CFAP54: variants seen among roughly 807,000 people sequenced by gnomAD.
CFAP54 encodes cilia- and flagella-associated protein 54.
Under a neutral mutation model 370.4 loss-of-function variants are expected in CFAP54, and 290 were observed. The observed-to-expected ratio is 0.78, with a 90% CI of 0.71 to 0.86. CFAP54 has a LOEUF of 0.86. Among genes scored for constraint, CFAP54 ranks in the 40% least tolerant of loss-of-function variants. CFAP54 has a pLI of 0.00. For missense variants in CFAP54, 3,399 were observed against 3,528.7 expected (o/e 0.96, Z 0.93); for synonymous variants, 1,206 against 1,236.5 (o/e 0.98, Z 0.52).
At chr12:96,499,707 T>G (rs1381219742) in intron 1 of CFAP54, among the ~76,000 whole-genome samples, 1 of 152,098 alleles carries the variant, frequency 6.6e-6, no homozygotes, top group Non-Finnish European at 1.5e-5. Flanking sequence ...GCACTTTGGG[T>G]GGCCTAGGCG....
At chr12:96,759,842 A>G (rs1010495283) in intron 58 of CFAP54, among the ~76,000 whole-genome samples, 1 of 152,232 alleles carries the variant, frequency 6.6e-6, no homozygotes, top group African/African-American at 2.4e-5. Flanking sequence ...GCTTGTATGT[A>G]ATAAGTACTT....
intron 39 of CFAP54, among the ~76,000 whole-genome samples, chr12:96,677,355 A>G (rs1312756962): frequency 6.6e-6 from 1 of 152,182 alleles, no homozygotes; most frequent in Admixed American, 6.5e-5. Context: ...GTCTATGGTA[A>G]TTTCTCATAG....
At chr12:96,503,495 G>C (rs11108553) in intron 2 of CFAP54, among the ~76,000 whole-genome samples, 17,025 of 139,780 alleles carry the variant, frequency 0.12, 1,549 homozygotes, top group East Asian at 0.47. Context: ...TTTCTTTTTC[G>C]AGCCTATGAG....
intron 50 of CFAP54, among the ~76,000 whole-genome samples, chr12:96,731,426 CATTTTCA>C (rs1957917561): frequency 6.6e-6 from 1 of 152,138 alleles, no homozygotes; most frequent in South Asian, 2.1e-4. Context: ...CATGGAATAC[CATTTTCA>C]TTTGAAAAAC....
intron 60 of CFAP54, among the ~76,000 whole-genome samples, chr12:96,774,211 G>A (rs889376649): frequency 1.3e-5 from 2 of 152,024 alleles, no homozygotes; most frequent in Admixed American, 6.6e-5. Flanking sequence ...CAACATTTTA[G>A]TTGTGATATT....
intron 65 of CFAP54, among the ~76,000 whole-genome samples, chr12:96,819,472 G>GT (rs1200242297): frequency 6.6e-6 from 1 of 152,124 alleles, no homozygotes; most frequent in Non-Finnish European, 1.5e-5. Flanking sequence ...AGAAATTATT[G>GT]TTTTTTCTGG....
chr12:96,664,755 C>A (rs12313690), intron 39 of CFAP54, among the ~76,000 whole-genome samples: 15 of 78,734 alleles, frequency 1.9e-4, no homozygotes, highest in African/African-American at 3.2e-4. Context: ...ATATATATAT[C>A]TATATATATC....
chr12:96,492,733 C>A (rs1397891313), intron 1 of CFAP54, among the ~76,000 whole-genome samples: 4 of 152,218 alleles, frequency 2.6e-5, no homozygotes, highest in Admixed American at 2.0e-4. Flanking sequence ...TGGCTTACGC[C>A]TGTAATCCCA....
intron 36 of CFAP54, among the ~76,000 whole-genome samples, chr12:96,657,456 C>A (rs999850766): frequency 6.6e-6 from 1 of 152,212 alleles, no homozygotes; most frequent in Non-Finnish European, 1.5e-5. Context: ...TAATTTATTT[C>A]ATATCCTTAC....
In CFAP54 at chr12:96,704,765, GA is replaced by G; in HGVS notation, c.6501del (p.Lys2167AsnfsTer15). 2 of 1,235,142 alleles carry G rather than the reference GA, an allele frequency of 1.6e-6. No individual in the cohort carries two copies. 76.5% of individuals were successfully genotyped at this position (1,235,142 alleles called of 1,614,324 possible). On this transcript the variant is annotated frameshift_variant, in exon 47 of 68. Coordinates refer to ENST00000524981, the MANE Select transcript of CFAP54 (RefSeq NM_001306084.2). LOFTEE classifies it high-confidence loss of function. ...CAGATCTTTCAATCATTTGACTCAGGAAAACTTCTTACCAGTAAAGAAAATA... is the reference window on the plus strand; with the variant it reads ...CAGATCTTTCAATCATTTGACTCAGGAAACTTCTTACCAGTAAAGAAAATA... ...KMKIFQSFDSGKLLTSKENIQ... is the reference protein window; with the variant it reads ...KMKIFQSFDSXKLLTSKENIQ...
intron 27 of CFAP54, among the ~76,000 whole-genome samples, chr12:96,622,733 CTCTG>C: frequency 6.6e-6 from 1 of 152,174 alleles, no homozygotes; most frequent in East Asian, 1.9e-4. Flanking sequence ...TCATCCCTGA[CTCTG>C]TCTAAGTTAG....
intron 3 of CFAP54, 109 bp downstream of exon 3, chr12:96,504,138 G>C (rs1456173869): frequency 9.5e-7 from 1 of 1,056,374 alleles, no homozygotes; most frequent in Non-Finnish European, 1.3e-6. Flanking sequence ...GCATCTAGCT[G>C]TGTGCTATAA....
At chr12:96,728,432 T>A (rs1343797939) in intron 50 of CFAP54, among the ~76,000 whole-genome samples, 7 of 152,240 alleles carry the variant, frequency 4.6e-5, no homozygotes, top group Non-Finnish European at 8.8e-5. Context: ...TCATTTCATC[T>A]TCCATCACTG....
chr12:96,633,963 A>T (rs1481061189), intron 32 of CFAP54, among the ~76,000 whole-genome samples: 1 of 151,324 alleles, frequency 6.6e-6, no homozygotes, highest in Non-Finnish European at 1.5e-5. Context: ...ACTGGTTTTT[A>T]AATTTTAGCT....
chr12:96,864,533 A>G (rs895133623), intron 67 of CFAP54, among the ~76,000 whole-genome samples: 1 of 152,048 alleles, frequency 6.6e-6, no homozygotes, highest in South Asian at 2.1e-4. Flanking sequence ...ATTTCTGGAG[A>G]GTAGAAATGT....
intron 32 of CFAP54, among the ~76,000 whole-genome samples, chr12:96,643,645 T>C (rs1956758425): frequency 6.6e-6 from 1 of 152,010 alleles, no homozygotes. Context: ...ATCTAAACTA[T>C]TAGCTAAAAT....
chr12:96,603,260 C>T (rs1436005457), intron 26 of CFAP54, among the ~76,000 whole-genome samples: 1 of 152,164 alleles, frequency 6.6e-6, no homozygotes, highest in Non-Finnish European at 1.5e-5. Context: ...AAATTCTTTT[C>T]TTTAAGAATG....
rs2136702498 is a variant in CFAP54 at position 96,792,371 on chromosome 12, C to T, written c.8722C>T (p.Pro2908Ser). 6.5e-7 allele frequency: 1 copy of T among 1,535,544 alleles called. No individual in the cohort carries two copies. Among genetic ancestry groups the T allele is most frequent in the Non-Finnish European group, 8.7e-7 (1 of 1,146,648 alleles). The change falls in exon 63 of 68, where the codon CCT becomes TCT. Residue 2908 changes from proline to serine, a missense_variant. This residue lies in a region of CFAP54 where 2,796 missense variants were observed against 2,869.7 expected (regional missense o/e 0.97). Transcript: ENST00000524981. ...TGTACAATCCATTTTATCTTTTAAG[C>T]CTGTTTCAGGCTCATCTTGTGTGGA... ...SSVQSILSFKPVSGSSCVDIT... is the reference protein window; with the variant it reads ...SSVQSILSFKSVSGSSCVDIT...
At chr12:96,800,082 G>A (rs1958805786) in intron 63 of CFAP54, among the ~76,000 whole-genome samples, 1 of 152,140 alleles carries the variant, frequency 6.6e-6, no homozygotes, top group African/African-American at 2.4e-5. Flanking sequence ...TAAGCAGTTA[G>A]TTTTAAAAAG....
Sources: allele counts gnomAD v4.1 joint callset (sites outside exome capture counted in the v4.1 genomes callset), GRCh38; gene constraint gnomAD v4.1.1; regional missense constraint gnomAD v4.1.1; transcripts MANE v1.5; gene names NCBI Gene and HGNC (gene_info 2026-07-23, HGNC 2026-07-21).